Variants in PTPRQ observed in about 807,000 individuals in gnomAD.
PTPRQ encodes phosphatidylinositol phosphatase PTPRQ.
In PTPRQ, 199 loss-of-function variants were observed where a neutral mutation model predicts 246.0. The ratio of observed to expected loss-of-function variants is 0.81; its 90% CI spans 0.72 to 0.91. PTPRQ has a LOEUF of 0.91. PTPRQ is among the 40% of genes least tolerant of loss of function. The pLI, the probability that PTPRQ is intolerant of heterozygous loss-of-function variation, is 0.00. For missense variants in PTPRQ, 2,624 were observed against 2,528.4 expected, an observed-to-expected ratio of 1.04 and a Z score of -0.81; for synonymous variants, 869 against 853.2, an observed-to-expected ratio of 1.02 and a Z score of -0.32.
In PTPRQ at chr12:80,659,559, ATAAT is replaced by A. The variant is rs1191215688; in HGVS notation, c.6192+1502_6192+1505del. 3.3e-5 allele frequency among the ~76,000 whole-genome samples: 5 copies of A among 152,176 alleles called. No homozygotes were observed. The East Asian group carries it at 9.7e-4, about 29-fold the overall frequency. On this transcript the variant is annotated intron_variant, in intron 39 of 44. Transcript: ENST00000644991. ...AGGCATGACAGTACAGGATATGAAT[ATAAT>A]TAAGAAGAAAAACAGACAATTTTAG...
chr12:80,620,346 A>G lies in PTPRQ; in HGVS notation c.5582A>G (p.Asn1861Ser), dbSNP rs1898933151. ...MIPGNEDKIC[N>S]GPLKPKKQYL... Reference sequence around the variant, plus strand: ...CCTGGCAATGAAGACAAAATTTGCAATGGACCACTGAAACCAAAAAAGCAA... The same window carrying G: ...CCTGGCAATGAAGACAAAATTTGCAGTGGACCACTGAAACCAAAAAAGCAA... Residue 1861 changes from asparagine to serine, a missense_variant, in exon 32 of 45, where the codon AAT (asparagine) becomes AGT (serine). Coordinates refer to ENST00000644991, the MANE Select transcript of PTPRQ (RefSeq NM_001145026.2). 1 of 1,549,134 alleles carries G rather than the reference A, an allele frequency of 6.5e-7. No homozygotes were observed. The highest frequency in any genetic ancestry group is 1.4e-5 in the African/African-American group (1 of 72,810).
At chr12:80,530,175 G>T (rs1895802802) in intron 17 of PTPRQ, among the ~76,000 whole-genome samples, 1 of 151,972 alleles carries the variant, frequency 6.6e-6, no homozygotes, top group Non-Finnish European at 1.5e-5. Context: ...GATCTCTGGG[G>T]CCATGCCTTA....
intron 26 of PTPRQ, among the ~76,000 whole-genome samples, chr12:80,600,187 G>A (rs1898096502): frequency 6.6e-6 from 1 of 151,744 alleles, no homozygotes; most frequent in Non-Finnish European, 1.5e-5. Flanking sequence ...ATCAGTGCAA[G>A]GAAATTAAAA....
chr12:80,662,723 A>G lies in PTPRQ; in HGVS notation c.6192+4662A>G, dbSNP rs144327788. On this transcript the variant is annotated intron_variant, in intron 39 of 44. Transcript: ENST00000644991. ...TCTCTGAGCTAATTTAAGGACTGCA[A>G]TGAAAAGTGGCATCCATGGGTAAAG... 3.0e-3 allele frequency among the ~76,000 whole-genome samples: 451 copies of G among 152,122 alleles called. 2 individuals carry two copies. Among genetic ancestry groups the G allele is most frequent in the Middle Eastern group, 0.014 (4 of 294 alleles).
intron 25 of PTPRQ, among the ~76,000 whole-genome samples, chr12:80,573,102 A>C (rs1897190307): frequency 6.6e-6 from 1 of 152,100 alleles, no homozygotes; most frequent in African/African-American, 2.4e-5. Context: ...CACTAGTGAA[A>C]CCATCTGAAC....
chr12:80,642,786 G>A (rs1379648888), intron 35 of PTPRQ, among the ~76,000 whole-genome samples: 5 of 149,962 alleles, frequency 3.3e-5, no homozygotes, highest in African/African-American at 7.3e-5. Context: ...CGGGCGTAGT[G>A]GCGGGCGCCT....
At chr12:80,575,407 G>T (rs35320979) in intron 25 of PTPRQ, among the ~76,000 whole-genome samples, 9,048 of 151,882 alleles carry the variant, frequency 0.06, 475 homozygotes, top group African/African-American at 0.14. Context: ...GCAATGTAGC[G>T]AGATCCCGTT....
intron 25 of PTPRQ, among the ~76,000 whole-genome samples, chr12:80,558,123 CTTTT>C (rs1896704348): frequency 2.8e-5 from 2 of 72,162 alleles, no homozygotes; most frequent in African/African-American, 1.3e-4. Flanking sequence ...TTCTTTCTTT[CTTTT>C]CTTTTCTTTT....
chr12:80,643,343 C>T (rs1899956919), intron 35 of PTPRQ, among the ~76,000 whole-genome samples: 1 of 151,242 alleles, frequency 6.6e-6, no homozygotes, highest in Non-Finnish European at 1.5e-5. Flanking sequence ...GAGGCTGAGG[C>T]AGGAGAATCG....
intron 25 of PTPRQ, among the ~76,000 whole-genome samples, chr12:80,583,191 A>G (rs1897501629): frequency 6.6e-6 from 1 of 152,190 alleles, no homozygotes; most frequent in South Asian, 2.1e-4. Flanking sequence ...TATACCCTCG[A>G]TTCATTTGCT....
chr12:80,585,085 C>T (rs755296176), intron 25 of PTPRQ, among the ~76,000 whole-genome samples: 9 of 151,762 alleles, frequency 5.9e-5, no homozygotes, highest in Non-Finnish European at 1.0e-4. Flanking sequence ...CCTCTCTCTA[C>T]AGAATCCAGA....
chr12:80,467,626 G>C (rs1473418196), intron 6 of PTPRQ, among the ~76,000 whole-genome samples: 1 of 152,056 alleles, frequency 6.6e-6, no homozygotes, highest in Non-Finnish European at 1.5e-5. Flanking sequence ...AACAATGATA[G>C]ACTGGATTAA....
chr12:80,523,195 G>A (rs1240567510), intron 17 of PTPRQ, among the ~76,000 whole-genome samples: 1 of 152,000 alleles, frequency 6.6e-6, no homozygotes, highest in African/African-American at 2.4e-5. Context: ...TATTTCTGTG[G>A]GATCGGTGGT....
At chr12:80,541,271 G>GCA (rs987042966) in intron 20 of PTPRQ, among the ~76,000 whole-genome samples, 1 of 151,186 alleles carries the variant, frequency 6.6e-6, no homozygotes, top group Non-Finnish European at 1.5e-5. Context: ...GCACACACAC[G>GCA]CACACACACA....
chr12:80,674,667 T>A (rs1901078721), intron 43 of PTPRQ, among the ~76,000 whole-genome samples: 1 of 152,204 alleles, frequency 6.6e-6, no homozygotes, highest in Admixed American at 6.5e-5. Flanking sequence ...TTGAAAAGCA[T>A]GAGATAAATA....
At chr12:80,516,683 G>A (rs1221099297) in intron 17 of PTPRQ, among the ~76,000 whole-genome samples, 1 of 152,120 alleles carries the variant, frequency 6.6e-6, no homozygotes, top group Non-Finnish European at 1.5e-5. Flanking sequence ...ACCTACTCTA[G>A]TTTCTCCAAG....
At position 80,495,204 on chromosome 12, in the gene PTPRQ, T is replaced by C. The variant is rs1445994869; in HGVS notation, c.1715T>C (p.Ile572Thr). ...TCTTCTTTTTAAGTGCCAAGCTCCATTAAAATTATAAACTATAAAAATATT... is the reference window on the plus strand; with the variant it reads ...TCTTCTTTTTAAGTGCCAAGCTCCACTAAAATTATAAACTATAAAAATATT... ...VRTRQQVPSS[I>T]KIINYKNISS... The change falls in exon 12 of 45, where the codon ATT (isoleucine) becomes ACT (threonine). Residue 572 changes from isoleucine (I) to threonine (T), a missense_variant. Physicochemically the swap from Ile to Thr is moderately conservative, Grantham distance 89. Transcript: ENST00000644991. 6.5e-7 allele frequency: 1 copy of C among 1,542,718 alleles called. No homozygotes were observed. The highest frequency in any genetic ancestry group is 8.7e-7 in the Non-Finnish European group (1 of 1,144,350).
intron 17 of PTPRQ, among the ~76,000 whole-genome samples, chr12:80,520,866 G>T (rs1444420732): frequency 6.6e-6 from 1 of 151,926 alleles, no homozygotes; most frequent in Admixed American, 6.6e-5. Flanking sequence ...AATCCTTTGG[G>T]TATATATCCA....
At chr12:80,473,549 G>A (rs1455645732) in intron 8 of PTPRQ, among the ~76,000 whole-genome samples, 2 of 152,108 alleles carry the variant, frequency 1.3e-5, no homozygotes, top group African/African-American at 4.8e-5. Context: ...CTGAACTATT[G>A]TCTTCTTTCA....
Sources: allele counts gnomAD v4.1 joint callset (sites outside exome capture counted in the v4.1 genomes callset), GRCh38; gene constraint gnomAD v4.1.1; transcripts MANE v1.5; gene names NCBI Gene and HGNC (gene_info 2026-07-23, HGNC 2026-07-21).